The following NPLOC4 variants were observed in gnomAD, a reference collection of about 807,000 sequenced individuals.
NPLOC4 encodes the protein NPL4 homolog, ubiquitin recognition factor, also known as nuclear protein localization protein 4 homolog.
Under a neutral mutation model 80.6 loss-of-function variants are expected in NPLOC4, and 18 were observed. That is an observed-to-expected ratio of 0.22 (90% CI 0.15 to 0.33). The LOEUF (loss-of-function observed/expected upper bound fraction) is 0.33. Ranked by LOEUF, NPLOC4 falls within the 10% of genes least tolerant of loss-of-function variation. The probability of loss-of-function intolerance (pLI) is 1.00; values close to 1 mark genes in which losing one functional copy is unlikely to be tolerated. For synonymous variants in NPLOC4, 313 were observed against 301.5 expected, an observed-to-expected ratio of 1.04 and a Z score of -0.39; for missense variants, 540 against 786.1, an observed-to-expected ratio of 0.69 and a Z score of 3.74.
chr17:81,610,678 C>A (rs372834422), intron 4 of NPLOC4, among the ~76,000 whole-genome samples: 1 of 35,194 alleles, frequency 2.8e-5, no homozygotes, highest in Non-Finnish European at 1.2e-4. Context: ...CCAGGCCGGG[C>A]GCGGTGGCTC....
intron 3 of NPLOC4, among the ~76,000 whole-genome samples, chr17:81,620,226 G>A (rs1030219382): frequency 8.5e-5 from 13 of 152,298 alleles, no homozygotes; most frequent in African/African-American, 2.9e-4. Flanking sequence ...AGCCAGGCAC[G>A]GTGGCTCACA....
At chr17:81,585,675 A>G (rs113059955) in intron 12 of NPLOC4, among the ~76,000 whole-genome samples, 10,918 of 130,640 alleles carry the variant, frequency 0.084, 653 homozygotes, top group Admixed American at 0.15. Context: ...GGGGGGGGGA[A>G]AGAAAGAAAT....
intron 3 of NPLOC4, among the ~76,000 whole-genome samples, chr17:81,616,624 G>T (rs1797224949): frequency 6.6e-6 from 1 of 151,860 alleles, no homozygotes; most frequent in Non-Finnish European, 1.5e-5. Context: ...CAGCTACTCG[G>T]GAGGCTGAGG....
chr17:81,634,981 C>T (rs933908701), intron 1 of NPLOC4, among the ~76,000 whole-genome samples: 1 of 152,038 alleles, frequency 6.6e-6, no homozygotes, highest in Admixed American at 6.6e-5. Flanking sequence ...GAGGATCCCT[C>T]GAGCTCAGAG....
chr17:81,619,100 A>G (rs1023919517), intron 3 of NPLOC4, among the ~76,000 whole-genome samples: 50 of 152,200 alleles, frequency 3.3e-4, no homozygotes, highest in African/African-American at 1.1e-3. Flanking sequence ...TAGGAAAACC[A>G]GAGACCTTTG....
chr17:81,619,990 G>T (rs1324251988), intron 3 of NPLOC4, among the ~76,000 whole-genome samples: 4 of 152,190 alleles, frequency 2.6e-5, no homozygotes, highest in Admixed American at 2.6e-4. Context: ...CCAGGACACA[G>T]AGGGTCATGC....
rs75735577 is a variant in NPLOC4, at chr17:81,589,184, A to C, written c.1121-80T>G. 3,342 of 1,253,210 alleles carry C rather than the reference A, an allele frequency of 2.7e-3. 85 individuals are homozygous for C. The African/African-American group carries it at 0.045, about 17-fold the overall frequency. The allele number at this position is 1,253,210 out of a possible 1,614,324, so 77.6% of individuals were successfully genotyped here. A position where few individuals can be genotyped will look rare whatever the true frequency, so the allele number is the denominator to read the frequency against. On this transcript the variant is annotated intron_variant, in intron 11 of 16. Coordinates refer to ENST00000331134, the MANE Select transcript of NPLOC4 (RefSeq NM_017921.4). The stretch of plus-strand genomic sequence containing the variant: ...CATATCTGTTAACTCTTCACCTCTG[A>C]TCAACAGAAAAAACAAACCCTCAAG...
intron 11 of NPLOC4, among the ~76,000 whole-genome samples, chr17:81,590,416 T>C (rs189075021): frequency 1.9e-4 from 29 of 152,278 alleles, no homozygotes; most frequent in African/African-American, 6.0e-4. Flanking sequence ...GCCTGAGCCT[T>C]TGGAGGAGGC....
chr17:81,630,507 CGG>C (rs1452531540), intron 1 of NPLOC4, among the ~76,000 whole-genome samples: 1 of 152,044 alleles, frequency 6.6e-6, no homozygotes, highest in African/African-American at 2.4e-5. Flanking sequence ...TCTCGAGCTC[CGG>C]GGCTCAAGTG....
rs533469699 is a variant in NPLOC4, at chr17:81,574,021, C to T, written c.1282-1933G>A. Among the ~76,000 whole-genome samples the T allele has an allele frequency of 4.3e-4, 65 of 152,330 alleles. 1 individual carries two copies. The highest frequency in any genetic ancestry group is 6.8e-3 in the Middle Eastern group (2 of 294). On this transcript the variant is annotated intron_variant, in intron 12 of 16. Transcript: ENST00000331134. ...CGCTAAAGACACAGGGCCTACTGCA[C>T]GGGGTCCTGGGGCCCCAAAAGAGGT...
intron 4 of NPLOC4, 191 bp downstream of exon 4, chr17:81,613,127 T>TAAAAAA (rs56233095): frequency 9.6e-5 from 41 of 426,534 alleles, no homozygotes; most frequent in South Asian, 3.1e-4. Flanking sequence ...GATAAAAAGC[T>TAAAAAA]AAAAAAAAAA....
At chr17:81,573,344 TTCC>T (rs2034210307) in intron 12 of NPLOC4, 1 of 152,186 alleles carries the variant, frequency 6.6e-6, no homozygotes, top group South Asian at 2.1e-4. Context: ...CAACCACACC[TTCC>T]TGGGGATGTC....
intron 11 of NPLOC4, among the ~76,000 whole-genome samples, chr17:81,594,646 G>A (rs993987548): frequency 6.6e-6 from 1 of 151,912 alleles, no homozygotes; most frequent in Admixed American, 6.6e-5. Context: ...ATGCTGGCAG[G>A]CTCCTATAGT....
chr17:81,565,898 C>T (rs1314890452), intron 15 of NPLOC4, among the ~76,000 whole-genome samples: 1 of 152,204 alleles, frequency 6.6e-6, no homozygotes, highest in East Asian at 1.9e-4. Context: ...TGCCTCTCGT[C>T]CTGGAGGCTG....
At chr17:81,609,866 G>A (rs531853992) in intron 5 of NPLOC4, among the ~76,000 whole-genome samples, 15 of 152,326 alleles carry the variant, frequency 9.8e-5, no homozygotes, top group Non-Finnish European at 2.2e-4. Flanking sequence ...TGAGATTCAA[G>A]GCAAAGTAAA....
chr17:81,566,460 G>C (rs2034014887), intron 15 of NPLOC4: 1 of 151,924 alleles, frequency 6.6e-6, no homozygotes, highest in Admixed American at 6.6e-5. Context: ...CTGGTGTAGA[G>C]GGAGCCTCAC....
chr17:81,633,636 T>C (rs2035987820), intron 1 of NPLOC4, among the ~76,000 whole-genome samples: 1 of 152,176 alleles, frequency 6.6e-6, no homozygotes, highest in South Asian at 2.1e-4. Flanking sequence ...TCCCTATTTA[T>C]AAGAAAATAA....
intron 13 of NPLOC4, 68 bp downstream of exon 13, chr17:81,571,949 C>T (rs1568121658): frequency 4.9e-6 from 6 of 1,213,022 alleles, no homozygotes; most frequent in South Asian, 4.9e-5. Context: ...GCAGCCACCA[C>T]CCAGCAGTCC....
chr17:81,634,279 G>A (rs1402585728), intron 1 of NPLOC4, among the ~76,000 whole-genome samples: 1 of 152,048 alleles, frequency 6.6e-6, no homozygotes, highest in Non-Finnish European at 1.5e-5. Flanking sequence ...GGGATTACAG[G>A]TGTGAGCCAC....
Sources: allele counts gnomAD v4.1 joint callset (sites outside exome capture counted in the v4.1 genomes callset), GRCh38; gene constraint gnomAD v4.1.1; transcripts MANE v1.5; gene names NCBI Gene and HGNC (gene_info 2026-07-23, HGNC 2026-07-21).